The following APOB variants were observed in gnomAD, a reference collection of about 807,000 sequenced individuals.
APOB encodes apolipoprotein B.
APOB carries 153 observed loss-of-function variants against 314.1 expected under a neutral mutation model. The ratio of observed to expected loss-of-function variants is 0.49; its 90% CI spans 0.43 to 0.56. The LOEUF is 0.56. Among genes scored for constraint, APOB ranks in the 20% least tolerant of loss-of-function variants. APOB has a pLI of 0.00. For missense variants in APOB, 5,430 were observed against 5,350.7 expected (o/e 1.01, Z -0.46); for synonymous variants, 2,087 against 2,036.4 (o/e 1.02, Z -0.67).
In APOB at chr2:21,002,757, C is replaced by G. The variant is rs1558559073; in HGVS notation, c.12665G>C (p.Arg4222Thr). The change falls in exon 29 of 29, where the codon AGG becomes ACG. Residue 4222 changes from arginine (R) to threonine (T), a missense_variant. Transcript: ENST00000233242. ...CTGGGACAGTACCGTCCCTACCTCC[C>G]TTATGAACATAGTGCAAAGTTCCTC... The part of the protein sequence containing the change: ...TREELCTMFI[R>T]EVGTVLSQVY... 1 of 1,609,356 alleles carries G rather than the reference C, an allele frequency of 6.2e-7. No homozygotes were observed. The highest frequency in any genetic ancestry group is 8.5e-7 in the Non-Finnish European group (1 of 1,177,116).
At chr2:21,037,561 G>T (rs145275415) in intron 5 of APOB, among the ~76,000 whole-genome samples, 1 of 152,318 alleles carries the variant, frequency 6.6e-6, no homozygotes, top group East Asian at 1.9e-4. Flanking sequence ...GAGGTGAAAT[G>T]AATTCTGTCT....
intron 4 of APOB, among the ~76,000 whole-genome samples, chr2:21,040,621 A>G (rs1306076276): frequency 1.3e-5 from 2 of 152,184 alleles, no homozygotes; most frequent in African/African-American, 4.8e-5. Context: ...ACCAAAGACC[A>G]CCAAGCACTA....
chr2:21,020,886 T>C (rs1663590199), intron 18 of APOB, among the ~76,000 whole-genome samples: 4 of 152,326 alleles, frequency 2.6e-5, no homozygotes, highest in Middle Eastern at 3.4e-3. Flanking sequence ...CTCCTTCTGC[T>C]TCTCTGGTCA....
intron 21 of APOB, among the ~76,000 whole-genome samples, chr2:21,016,085 C>T (rs1009706002): frequency 6.6e-5 from 10 of 152,078 alleles, no homozygotes; most frequent in East Asian, 3.9e-4. Context: ...GTCAGGAGAT[C>T]GAGACCATCC....
intron 16 of APOB, chr2:21,024,462 T>C: frequency 4.7e-6 from 1 of 214,366 alleles, no homozygotes; most frequent in Non-Finnish European, 9.3e-6. Context: ...CTACTAAAGA[T>C]ACACAAATTA....
chr2:21,009,778 A>G lies in APOB; in HGVS notation c.7090T>C (p.Leu2364=), dbSNP rs780989167. 1.2e-6 allele frequency: 2 copies of G among 1,613,940 alleles called. No individual in the cohort carries two copies. Among genetic ancestry groups the G allele is most frequent in the South Asian group, 1.1e-5 (1 of 91,066 alleles). The change falls in exon 26 of 29, where the codon TTG becomes CTG. Residue 2364 remains leucine, a synonymous_variant. Coordinates refer to ENST00000233242, the MANE Select transcript of APOB (RefSeq NM_000384.3). ...IQVLMDKLVE[L]AHQYKLKETI... ...TCCTTCAACTTGTATTGGTGGGCCAACTCTACTAATTTATCCATTAAAACC... is the reference window on the plus strand; with the variant it reads ...TCCTTCAACTTGTATTGGTGGGCCAGCTCTACTAATTTATCCATTAAAACC...
intron 9 of APOB, among the ~76,000 whole-genome samples, chr2:21,032,957 T>C (rs1158411601): frequency 6.6e-6 from 1 of 152,174 alleles, no homozygotes; most frequent in East Asian, 1.9e-4. Context: ...AATCATATTA[T>C]ATTTTTCGTC....
At chr2:21,018,767 C>T (rs1198211013) in intron 20 of APOB, among the ~76,000 whole-genome samples, 1 of 152,154 alleles carries the variant, frequency 6.6e-6, no homozygotes, top group African/African-American at 2.4e-5. Context: ...ACTGTAACTT[C>T]CATGAAGGCA....
Position 21,023,565 on chromosome 2 carries a change from G to A in APOB, c.2564C>T (p.Ala855Val). 2 of 1,614,168 alleles carry A rather than the reference G, an allele frequency of 1.2e-6. No homozygotes were observed. Among genetic ancestry groups the A allele is most frequent in the Non-Finnish European group, 1.7e-6 (2 of 1,180,020 alleles). Residue 855 changes from alanine to valine, a missense_variant, in exon 17 of 29, where the codon GCT becomes GTT. By Grantham distance (64) the Ala-to-Val change is moderately conservative. Coordinates refer to ENST00000233242, the MANE Select transcript of APOB (RefSeq NM_000384.3). Reference sequence around the variant, plus strand: ...TTTTACTCCAGCCTTGGCTCCGGGAGCAATGACTCCAGATGAAGATATTTG... The same window carrying A: ...TTTTACTCCAGCCTTGGCTCCGGGAACAATGACTCCAGATGAAGATATTTG... ...QLQISSSGVIAPGAKAGVKLE... is the reference protein window; with the variant it reads ...QLQISSSGVIVPGAKAGVKLE...
In APOB at chr2:21,008,119, C is replaced by T. The variant is rs1400060378; in HGVS notation, c.8749G>A (p.Gly2917Ser). Reference sequence around the variant, plus strand: ...CCAGAAGAAGTCCATGCTATGTGGCCAGCTTTCAACAGTGTCTTGATCTCG... The same window carrying T: ...CCAGAAGAAGTCCATGCTATGTGGCTAGCTTTCAACAGTGTCTTGATCTCG... ...RNEIKTLLKAGHIAWTSSGKG... is the reference protein window; with the variant it reads ...RNEIKTLLKASHIAWTSSGKG... Residue 2917 changes from glycine (G) to serine (S), a missense_variant, in exon 26 of 29, where the codon GGC (glycine) becomes AGC (serine). Coordinates refer to ENST00000233242, the MANE Select transcript of APOB (RefSeq NM_000384.3). The T allele has an allele frequency of 6.2e-7, 1 of 1,613,880 alleles. No homozygotes were observed. Among genetic ancestry groups the T allele is most frequent in the Non-Finnish European group, 8.5e-7 (1 of 1,179,984 alleles).
rs1663134510 is a variant in APOB at position 21,006,244 on chromosome 2, A to G, written c.10624T>C (p.Trp3542Arg). 2 of 1,613,972 alleles carry G rather than the reference A, an allele frequency of 1.2e-6. No homozygotes were observed. Among genetic ancestry groups the G allele is most frequent in the African/African-American group, 2.7e-5 (2 of 74,902 alleles). Residue 3542 changes from tryptophan to arginine, a missense_variant, in exon 26 of 29, where the codon TGG (tryptophan) becomes CGG (arginine). By Grantham distance (101) the Trp-to-Arg change is moderately radical. Around this residue, in one of 3 missense-constraint regions of APOB, gnomAD observed 3,281 missense variants for 3,171.0 expected, o/e 1.03. Coordinates refer to ENST00000233242, the MANE Select transcript of APOB (RefSeq NM_000384.3). ...LQGTSKIDDIWNLEVKENFAG... is the reference protein window; with the variant it reads ...LQGTSKIDDIRNLEVKENFAG... ...AAATTTTCTTTTACTTCAAGGTTCC[A>G]GATATCATCAATTTTGGAAGTGCCC...
At chr2:21,003,658 GAGA>G (rs1157275064) in intron 28 of APOB, among the ~76,000 whole-genome samples, 1 of 152,176 alleles carries the variant, frequency 6.6e-6, no homozygotes, top group Non-Finnish European at 1.5e-5. Flanking sequence ...GAAGAGGAGA[GAGA>G]AGAAGAGTCA....
At chr2:21,020,045 GA>G in intron 18 of APOB, 140 bp from the exon 19 acceptor site, 1 of 775,718 alleles carries the variant, frequency 1.3e-6, no homozygotes, top group Non-Finnish European at 2.2e-6. Flanking sequence ...AATTTACTGA[GA>G]AACAAATAAT....
Position 21,006,493 on chromosome 2 carries a change from C to T in APOB, c.10375G>A (p.Glu3459Lys). The change falls in exon 26 of 29, where the codon GAA becomes AAA. Residue 3459 changes from glutamate (E) to lysine (K), a missense_variant. Physicochemically the swap from Glu to Lys is moderately conservative, Grantham distance 56. Around this residue, in one of 3 missense-constraint regions of APOB, gnomAD observed 3,281 missense variants for 3,171.0 expected, o/e 1.03. Coordinates refer to ENST00000233242, the MANE Select transcript of APOB (RefSeq NM_000384.3). ...KSKPTVSSSMEFKYDFNSSML... is the reference protein window; with the variant it reads ...KSKPTVSSSMKFKYDFNSSML... Reference sequence around the variant, plus strand: ...GAAGAATTGAAATCATACTTAAATTCCATGGAGGAAGAGACAGTAGGTTTT... The same window carrying T: ...GAAGAATTGAAATCATACTTAAATTTCATGGAGGAAGAGACAGTAGGTTTT... The T allele has an allele frequency of 6.2e-7, 1 of 1,614,092 alleles. No homozygotes were observed. Among genetic ancestry groups the T allele is most frequent in the Non-Finnish European group, 8.5e-7 (1 of 1,179,976 alleles).
Position 21,015,451 on chromosome 2 carries a change from G to A in APOB, c.3427C>T (p.Pro1143Ser), listed in dbSNP as rs72653077. Residue 1143 changes from proline to serine, a missense_variant, in exon 22 of 29, where the codon CCT becomes TCT. Around this residue, in one of 3 missense-constraint regions of APOB, gnomAD observed 2,085 missense variants for 2,079.7 expected, o/e 1.00. Coordinates refer to ENST00000233242, the MANE Select transcript of APOB (RefSeq NM_000384.3). ...TCCATTTGGAGAAGCAGTTTGGCAG[G>A]CGACCAGTGGGCGAGGATCTCACTT... ...ARSEILAHWS[P>S]AKLLLQMDSS... 3,883 of 1,614,128 alleles carry A rather than the reference G, an allele frequency of 2.4e-3. 6 individuals carry two copies. Among genetic ancestry groups the A allele is most frequent in the Non-Finnish European group, 2.9e-3 (3,473 of 1,180,026 alleles).
chr2:21,032,464 C>T lies in APOB; in HGVS notation c.1242G>A (p.Leu414=). ...CTGAGGGCTCGGGGATCAGGGCCACCAGGTAGGTGACCACATCTATCAGAA... is the reference window on the plus strand; with the variant it reads ...CTGAGGGCTCGGGGATCAGGGCCACTAGGTAGGTGACCACATCTATCAGAA... ...NPLLIDVVTY[L]VALIPEPSAQ... Residue 414 remains leucine, a synonymous_variant, in exon 10 of 29, where the codon CTG becomes CTA. Transcript: ENST00000233242. The T allele has an allele frequency of 2.5e-6, 4 of 1,614,166 alleles. No homozygotes were observed. Among genetic ancestry groups the T allele is most frequent in the Non-Finnish European group, 3.4e-6 (4 of 1,180,028 alleles).
intron 4 of APOB, among the ~76,000 whole-genome samples, chr2:21,038,585 C>T (rs1027989347): frequency 1.3e-5 from 2 of 152,246 alleles, no homozygotes; most frequent in African/African-American, 4.8e-5. Context: ...ATTCTCCCTC[C>T]TCGGCCTCCC....
rs187306271 is a variant in APOB at position 21,034,930 on chromosome 2, C to T, written c.819-29G>A. ...GTAACCAAGGAAGCACACCATGTCA[C>T]GGATGGCCAGAACATACTATTCTTT... On this transcript the variant is annotated intron_variant, in intron 7 of 28. Coordinates refer to ENST00000233242, the MANE Select transcript of APOB (RefSeq NM_000384.3). 43 of 1,103,750 alleles carry T rather than the reference C, an allele frequency of 3.9e-5. No homozygotes were observed. The East Asian group carries it at 4.0e-4, about 10-fold the overall frequency. The allele number at this position is 1,103,750 out of a possible 1,614,324, so 68.4% of individuals were successfully genotyped here.
At chr2:21,038,518 G>T (rs2103385403) in intron 4 of APOB, among the ~76,000 whole-genome samples, 1 of 152,076 alleles carries the variant, frequency 6.6e-6, no homozygotes, top group South Asian at 2.1e-4. Flanking sequence ...TGTATTTTTA[G>T]TAGAGACAGT....
Sources: allele counts gnomAD v4.1 joint callset (sites outside exome capture counted in the v4.1 genomes callset), GRCh38; gene constraint gnomAD v4.1.1; regional missense constraint gnomAD v4.1.1; transcripts MANE v1.5; gene names NCBI Gene and HGNC (gene_info 2026-07-23, HGNC 2026-07-21).